Variants in DIP2B observed in about 807,000 individuals in gnomAD.
DIP2B encodes the protein disco-interacting protein 2 homolog B.
DIP2B carries 76 observed loss-of-function variants against 198.0 expected under a neutral mutation model. The ratio of observed to expected loss-of-function variants is 0.38; its 90% confidence interval spans 0.32 to 0.46. The LOEUF (loss-of-function observed/expected upper bound fraction) is 0.46, where lower values mean the gene tolerates loss of function less well. DIP2B is among the 20% of genes least tolerant of loss of function. The probability of loss-of-function intolerance (pLI) is 0.99; values close to 1 mark genes in which losing one functional copy is unlikely to be tolerated. For synonymous variants in DIP2B, 701 were observed against 739.1 expected (o/e 0.95, Z 0.84); for missense variants, 1,559 against 1,978.4 (o/e 0.79, Z 4.02).
Position 50,747,928 on chromosome 12 carries a change from GTC to G in DIP2B, c.*3091_*3092del. ...GCTAATCAGTGTCAGTGAATCCACA[GTC>G]TTTACTTCCTGCCTCATAAAGGGCC... is the stretch of plus-strand genomic sequence containing the variant. On this transcript the variant is annotated 3_prime_UTR_variant, in exon 38 of 38. Transcript: ENST00000301180. The G allele has an allele frequency of 6.5e-6, 1 of 152,694 alleles. No homozygotes were observed. The highest frequency in any genetic ancestry group is 1.9e-4 in the East Asian group (1 of 5,182). 9.5% of individuals were successfully genotyped at this position (152,694 alleles called of 1,614,324 possible). A position where few individuals can be genotyped will look rare whatever the true frequency, so the allele number is the denominator to read the frequency against.
chr12:50,611,694 C>T (rs1039239134), intron 1 of DIP2B, among the ~76,000 whole-genome samples: 1 of 152,136 alleles, frequency 6.6e-6, no homozygotes, highest in Admixed American at 6.5e-5. Context: ...CCTTCAGTCG[C>T]TCTTTCACCC....
chr12:50,728,518 C>T (rs778136660), intron 29 of DIP2B, 30 bp from the exon 30 acceptor site: 1 of 1,609,320 alleles, frequency 6.2e-7, no homozygotes, highest in Non-Finnish European at 8.5e-7. Context: ...GATAACAGTC[C>T]CAGCCTGTTC....
Position 50,674,780 on chromosome 12 carries a change from A to G in DIP2B, c.796+151A>G. 4 of 909,518 alleles carry G rather than the reference A, an allele frequency of 4.4e-6. No individual in the cohort carries two copies. The South Asian group carries it at 5.4e-5, about 12-fold the overall frequency. 56.3% of individuals were successfully genotyped at this position (909,518 alleles called of 1,614,324 possible). On this transcript the variant is annotated intron_variant, in intron 6 of 37. Transcript: ENST00000301180. ...TAATCCTGGGTACCTTTTTTCCATCATCTGCACAGTGACAGTATTGCCACT... is the reference window on the plus strand; with the variant it reads ...TAATCCTGGGTACCTTTTTTCCATCGTCTGCACAGTGACAGTATTGCCACT...
At chr12:50,693,368 G>A (rs1236511322) in intron 14 of DIP2B, among the ~76,000 whole-genome samples, 2 of 152,170 alleles carry the variant, frequency 1.3e-5, no homozygotes, top group East Asian at 3.8e-4. Flanking sequence ...TGAAAAATAG[G>A]TAAGCTTTAG....
At chr12:50,546,018 G>A (rs1189632443) in intron 1 of DIP2B, among the ~76,000 whole-genome samples, 1 of 152,184 alleles carries the variant, frequency 6.6e-6, no homozygotes, top group Non-Finnish European at 1.5e-5. Context: ...AGTTCTTTCT[G>A]TGGAAATGAG....
intron 37 of DIP2B, among the ~76,000 whole-genome samples, chr12:50,742,186 C>T (rs1268041055): frequency 6.6e-6 from 1 of 151,520 alleles, no homozygotes; most frequent in East Asian, 1.9e-4. Flanking sequence ...TCGCTTAAGC[C>T]CAGGAATCCA....
intron 1 of DIP2B, among the ~76,000 whole-genome samples, chr12:50,598,317 T>G (rs1400211240): frequency 6.6e-6 from 1 of 151,982 alleles, no homozygotes. Context: ...TTAAAAAAAG[T>G]TAAGTAGTTT....
intron 1 of DIP2B, among the ~76,000 whole-genome samples, chr12:50,518,717 C>T (rs1747549273): frequency 6.6e-6 from 1 of 150,784 alleles, no homozygotes; most frequent in Admixed American, 6.7e-5. Flanking sequence ...TGGTATGTCT[C>T]ATTTTCCTTA....
chr12:50,651,673 C>T (rs1362359388), intron 3 of DIP2B, among the ~76,000 whole-genome samples: 1 of 152,008 alleles, frequency 6.6e-6, no homozygotes, highest in Non-Finnish European at 1.5e-5. Flanking sequence ...TCTATTGTTC[C>T]GTTGGTCTTC....
At chr12:50,654,218 A>G (rs1938514975) in intron 3 of DIP2B, among the ~76,000 whole-genome samples, 1 of 151,992 alleles carries the variant, frequency 6.6e-6, no homozygotes, top group Non-Finnish European at 1.5e-5. Context: ...TTAGTTCCTT[A>G]TGATGTAGTT....
chr12:50,591,834 G>T (rs1330989378), intron 1 of DIP2B, among the ~76,000 whole-genome samples: 1 of 151,034 alleles, frequency 6.6e-6, no homozygotes, highest in Admixed American at 6.6e-5. Flanking sequence ...CGTATCAGGG[G>T]ACTAAAACGA....
intron 1 of DIP2B, among the ~76,000 whole-genome samples, chr12:50,573,611 A>G (rs1320884107): frequency 6.6e-6 from 1 of 152,208 alleles, no homozygotes; most frequent in Non-Finnish European, 1.5e-5. Context: ...TAATCACTTG[A>G]GGTACTGTTT....
intron 1 of DIP2B, among the ~76,000 whole-genome samples, chr12:50,591,664 T>C (rs991918531): frequency 6.6e-5 from 10 of 151,778 alleles, no homozygotes; most frequent in Non-Finnish European, 1.3e-4. Context: ...TTTGCCATGT[T>C]GCCCAGACTG....
chr12:50,739,764 C>CT (rs1040146487), intron 36 of DIP2B, among the ~76,000 whole-genome samples, 178 bp downstream of exon 36: 5 of 152,208 alleles, frequency 3.3e-5, no homozygotes, highest in African/African-American at 1.2e-4. Flanking sequence ...TGAAGAGTGT[C>CT]TAAGAGGTGA....
At chr12:50,592,096 C>T (rs1046906085) in intron 1 of DIP2B, among the ~76,000 whole-genome samples, 3 of 151,954 alleles carry the variant, frequency 2.0e-5, no homozygotes, top group Non-Finnish European at 4.4e-5. Context: ...CCAGGCTGGT[C>T]TCGAACTCCT....
At chr12:50,719,644 C>G in intron 25 of DIP2B, among the ~76,000 whole-genome samples, 1 of 152,036 alleles carries the variant, frequency 6.6e-6, no homozygotes, top group South Asian at 2.1e-4. Flanking sequence ...GAGTTCAAGA[C>G]TAGCCTGACC....
intron 22 of DIP2B, among the ~76,000 whole-genome samples, chr12:50,710,804 G>A (rs1456338069): frequency 6.6e-6 from 1 of 152,114 alleles, no homozygotes; most frequent in Non-Finnish European, 1.5e-5. Context: ...TAGGCTATTT[G>A]TAGTAGAAAA....
rs867163047 is a variant in DIP2B at position 50,719,000 on chromosome 12, C to T, written c.3007C>T (p.Pro1003Ser). 18 of 1,614,064 alleles carry T rather than the reference C, an allele frequency of 1.1e-5. No individual in the cohort carries two copies. The highest frequency in any genetic ancestry group is 1.3e-5 in the Non-Finnish European group (15 of 1,180,032). The change falls in exon 25 of 38, where the codon CCT (proline) becomes TCT (serine). Residue 1003 changes from proline (P) to serine (S), a missense_variant. Transcript: ENST00000301180. ...CCTACAGTGGCGAGCCCAGGCGACT[C>T]CTGACCATGTACTCTTCATGCTGTT... ...EILQWRAQAT[P>S]DHVLFMLLNA...
intron 1 of DIP2B, among the ~76,000 whole-genome samples, chr12:50,526,698 G>A (rs561213132): frequency 4.3e-4 from 32 of 75,160 alleles, no homozygotes; most frequent in Non-Finnish European, 7.0e-4. Context: ...GTGCAATGGC[G>A]CGATCTCGGC....
Sources: gnomAD v4.1 joint callset for allele counts (sites outside exome capture counted in the v4.1 genomes callset) on GRCh38, gnomAD v4.1.1 for gene constraint, MANE v1.5 for transcripts, NCBI Gene and HGNC (gene_info 2026-07-23, HGNC 2026-07-21) for gene names.